The following KCNH5 variants were observed in gnomAD, a reference collection of about 807,000 sequenced individuals.
KCNH5 encodes voltage-gated delayed rectifier potassium channel KCNH5.
In KCNH5, 46 loss-of-function variants were observed where a neutral mutation model predicts 96.1. That is an observed-to-expected ratio of 0.48 (90% CI 0.38 to 0.61). The LOEUF is 0.61. Ranked by LOEUF, KCNH5 falls within the 20% of genes least tolerant of loss-of-function variation. The pLI is 0.00. For missense variants in KCNH5, 907 were observed against 1,225.8 expected (o/e 0.74, Z 3.88); for synonymous variants, 439 against 449.8 (o/e 0.98, Z 0.30).
chr14:62,799,710 TATATATATATATATATACAC>T (rs1294249698), intron 9 of KCNH5, among the ~76,000 whole-genome samples: 1 of 108,002 alleles, frequency 9.3e-6, no homozygotes, highest in Admixed American at 1.0e-4. Context: ...TATATATATA[TATATATATATATATATACAC>T]ACACACACAC....
At chr14:62,932,475 T>TAA (rs199801361) in intron 7 of KCNH5, among the ~76,000 whole-genome samples, 9 of 102,454 alleles carry the variant, frequency 8.8e-5, no homozygotes, top group East Asian at 5.3e-4. Context: ...GAAATGAGAT[T>TAA]AAAAAAAAAA....
At chr14:63,012,031 A>T (rs1891238343) in intron 2 of KCNH5, among the ~76,000 whole-genome samples, 1 of 152,180 alleles carries the variant, frequency 6.6e-6, no homozygotes, top group Non-Finnish European at 1.5e-5. Flanking sequence ...TCTATCCAAA[A>T]CAAAAACAAA....
intron 8 of KCNH5, among the ~76,000 whole-genome samples, chr14:62,815,027 A>C (rs912227459): frequency 1.2e-4 from 19 of 152,282 alleles, no homozygotes; most frequent in African/African-American, 4.6e-4. Context: ...AATTACTCAA[A>C]GATTCATTAA....
intron 10 of KCNH5, among the ~76,000 whole-genome samples, chr14:62,777,849 G>A (rs941576557): frequency 1.8e-4 from 21 of 114,192 alleles, no homozygotes; most frequent in Non-Finnish European, 4.1e-4. Context: ...ATGCATGTGT[G>A]TATGTGTATT....
intron 10 of KCNH5, among the ~76,000 whole-genome samples, chr14:62,761,342 G>A (rs1885745429): frequency 1.4e-5 from 2 of 142,876 alleles, no homozygotes; most frequent in African/African-American, 2.6e-5. Flanking sequence ...GTGACAGAAT[G>A]AGACTCACTC....
intron 10 of KCNH5, among the ~76,000 whole-genome samples, chr14:62,754,010 G>C (rs957489556): frequency 3.3e-5 from 5 of 152,010 alleles, no homozygotes; most frequent in African/African-American, 1.2e-4. Flanking sequence ...ATGAAAGCAT[G>C]AAACATTCTA....
chr14:62,833,910 GT>G (rs1432044199), intron 8 of KCNH5, among the ~76,000 whole-genome samples: 5 of 151,890 alleles, frequency 3.3e-5, no homozygotes, highest in Non-Finnish European at 5.9e-5. Context: ...CTTTGACCAA[GT>G]CCCACTGTCT....
chr14:62,810,707 T>C (rs1364650074), intron 8 of KCNH5, among the ~76,000 whole-genome samples: 1 of 152,022 alleles, frequency 6.6e-6, no homozygotes, highest in Admixed American at 6.6e-5. Flanking sequence ...AGGGGAAGCA[T>C]GAATAATCCA....
chr14:62,824,259 CCA>C (rs1003122914), intron 8 of KCNH5, among the ~76,000 whole-genome samples: 4 of 151,908 alleles, frequency 2.6e-5, no homozygotes, highest in African/African-American at 9.7e-5. Flanking sequence ...GAAAAAGAAA[CCA>C]CAGAGACATG....
intron 1 of KCNH5, among the ~76,000 whole-genome samples, chr14:63,035,198 C>A (rs1182760511): frequency 6.6e-6 from 1 of 152,092 alleles, no homozygotes; most frequent in African/African-American, 2.4e-5. Flanking sequence ...TTAAATCCTA[C>A]AAATAAAGAT....
chr14:62,712,428 T>C (rs1187702789), intron 10 of KCNH5: 2 of 562,784 alleles, frequency 3.6e-6, no homozygotes, highest in African/African-American at 1.9e-5. Context: ...TTCTCTACTG[T>C]AGGACACAGG....
At chr14:62,954,167 C>G (rs886785089) in intron 6 of KCNH5, among the ~76,000 whole-genome samples, 3 of 152,154 alleles carry the variant, frequency 2.0e-5, no homozygotes, top group Non-Finnish European at 4.4e-5. Context: ...TTCCCCCACT[C>G]TTAGTGGTTA....
chr14:62,722,889 C>T (rs778350038), intron 10 of KCNH5, among the ~76,000 whole-genome samples: 3 of 152,176 alleles, frequency 2.0e-5, no homozygotes, highest in African/African-American at 4.8e-5. Context: ...TGACTGAAAC[C>T]CGTTTCCTAC....
chr14:62,710,943 T>C (rs950277488), intron 10 of KCNH5, among the ~76,000 whole-genome samples: 3 of 152,230 alleles, frequency 2.0e-5, no homozygotes, highest in Non-Finnish European at 4.4e-5. Context: ...GGCAACCCTA[T>C]TGGTATATAA....
intron 7 of KCNH5, among the ~76,000 whole-genome samples, chr14:62,943,734 G>A (rs1889833478): frequency 1.3e-5 from 2 of 152,156 alleles, no homozygotes; most frequent in South Asian, 2.1e-4. Context: ...GGAGGATGTG[G>A]CTACCCTGGG....
chr14:62,855,946 C>T (rs975859506), intron 7 of KCNH5, among the ~76,000 whole-genome samples: 1 of 152,074 alleles, frequency 6.6e-6, no homozygotes, highest in Non-Finnish European at 1.5e-5. Flanking sequence ...AGACATAATC[C>T]CCACCCTCCA....
chr14:63,035,164 T>C (rs559512837), intron 1 of KCNH5, among the ~76,000 whole-genome samples: 136 of 152,310 alleles, frequency 8.9e-4, no homozygotes, highest in African/African-American at 3.0e-3. Flanking sequence ...GAAAAAAGTA[T>C]ATATTTAATG....
intron 7 of KCNH5, among the ~76,000 whole-genome samples, chr14:62,943,025 T>C (rs1436557068): frequency 2.6e-5 from 4 of 152,164 alleles, no homozygotes; most frequent in African/African-American, 9.6e-5. Flanking sequence ...TGACATATGC[T>C]GAATACATAT....
At chr14:62,988,486 TA>T (rs2139576717) in intron 4 of KCNH5, among the ~76,000 whole-genome samples, 1 of 152,258 alleles carries the variant, frequency 6.6e-6, no homozygotes, top group South Asian at 2.1e-4. Context: ...AGGCTGATTC[TA>T]ATTTAATTTA....
Sources: gnomAD v4.1 joint callset for allele counts (sites outside exome capture counted in the v4.1 genomes callset) on GRCh38, gnomAD v4.1.1 for gene constraint, MANE v1.5 for transcripts, NCBI Gene and HGNC (gene_info 2026-07-23, HGNC 2026-07-21) for gene names.